Variants in SLCO3A1 observed in about 807,000 individuals in gnomAD.
SLCO3A1 encodes solute carrier organic anion transporter family member 3A1, also known as PGE1 transporter.
Under a neutral mutation model 63.1 loss-of-function variants are expected in SLCO3A1, and 27 were observed. The observed-to-expected ratio is 0.43, with a 90% CI of 0.32 to 0.59. The LOEUF is 0.59. Ranked by LOEUF, SLCO3A1 falls within the 20% of genes least tolerant of loss-of-function variation. The pLI, the probability that SLCO3A1 is intolerant of heterozygous loss-of-function variation, is 0.09. For missense variants in SLCO3A1, 773 were observed against 945.8 expected, an observed-to-expected ratio of 0.82 and a Z score of 2.40; for synonymous variants, 473 against 409.9, an observed-to-expected ratio of 1.15 and a Z score of -1.86.
chr15:91,987,699 G>T (rs2046071005), intron 2 of SLCO3A1, among the ~76,000 whole-genome samples: 2 of 151,254 alleles, frequency 1.3e-5, no homozygotes. Context: ...AGCTGAGATG[G>T]CGCCACTGCA....
chr15:92,056,312 G>A (rs1027360595), intron 2 of SLCO3A1, among the ~76,000 whole-genome samples: 5 of 151,922 alleles, frequency 3.3e-5, no homozygotes, highest in African/African-American at 1.2e-4. Flanking sequence ...TGAACCATCT[G>A]CTCTAAATTG....
chr15:91,948,563 ACT>A lies in SLCO3A1; in HGVS notation c.646+32108_646+32109del, dbSNP rs1168163549. ...CAGGAGAGGGCCGAATGTGCACGAG[ACT>A]CTGCAGGAAGGCTGAAAAACTTTCA... On this transcript the variant is annotated intron_variant, in intron 2 of 9. Coordinates refer to ENST00000318445, the MANE Select transcript of SLCO3A1 (RefSeq NM_013272.4). The surrounding 1 kb of genome is among the most constrained non-coding windows in gnomAD (Gnocchi z 4.8). Among the ~76,000 whole-genome samples the A allele has an allele frequency of 6.6e-6, 1 of 152,128 alleles. No individual in the cohort carries two copies. Among genetic ancestry groups the A allele is most frequent in the Non-Finnish European group, 1.5e-5 (1 of 68,008 alleles).
At chr15:92,054,030 G>A (rs2046992856) in intron 2 of SLCO3A1, among the ~76,000 whole-genome samples, 3 of 152,180 alleles carry the variant, frequency 2.0e-5, no homozygotes, top group Non-Finnish European at 4.4e-5. Flanking sequence ...CTCACCATCC[G>A]TTTATTCAGT....
At chr15:92,046,800 T>G (rs1423201322) in intron 2 of SLCO3A1, among the ~76,000 whole-genome samples, 1 of 150,344 alleles carries the variant, frequency 6.7e-6, no homozygotes, top group Non-Finnish European at 1.5e-5. Context: ...AAAATCTCAA[T>G]TTTTCGTTGT....
rs1457500011 is a variant in SLCO3A1, at chr15:91,856,557, A to G, written c.180+2469A>G. Among the ~76,000 whole-genome samples the G allele has an allele frequency of 6.6e-6, 1 of 152,188 alleles. No homozygotes were observed. Among genetic ancestry groups the G allele is most frequent in the Non-Finnish European group, 1.5e-5 (1 of 68,022 alleles). On this transcript the variant is annotated intron_variant, in intron 1 of 9. Transcript: ENST00000318445. This position sits in a 1 kb window ranked among gnomAD's most constrained non-coding sequence, Gnocchi z 4.9. Reference sequence around the variant, plus strand: ...TTCTCTGTGGATAATTGGAGAATGAAATATTGCAGGCTGTTTGCAGGAAAG... The same window carrying G: ...TTCTCTGTGGATAATTGGAGAATGAGATATTGCAGGCTGTTTGCAGGAAAG...
chr15:91,988,400 C>T (rs758909602), intron 2 of SLCO3A1, among the ~76,000 whole-genome samples: 5 of 151,662 alleles, frequency 3.3e-5, no homozygotes, highest in East Asian at 3.9e-4. Flanking sequence ...AACAAGTGAA[C>T]GTAATAAATT....
At chr15:92,029,862 G>T (rs1466014001) in intron 2 of SLCO3A1, among the ~76,000 whole-genome samples, 2 of 148,730 alleles carry the variant, frequency 1.3e-5, no homozygotes, top group South Asian at 2.1e-4. Flanking sequence ...AGAGATAAAA[G>T]ATCTATGATT....
rs1900701911 is a variant in SLCO3A1 at position 91,967,495 on chromosome 15, A to G, written c.646+51037A>G. Among the ~76,000 whole-genome samples, 1 of 152,198 alleles carries G rather than the reference A, an allele frequency of 6.6e-6. No individual in the cohort carries two copies. Among genetic ancestry groups the G allele is most frequent in the African/African-American group, 2.4e-5 (1 of 41,454 alleles). On this transcript the variant is annotated intron_variant, in intron 2 of 9. Coordinates refer to ENST00000318445, the MANE Select transcript of SLCO3A1 (RefSeq NM_013272.4). This position sits in a 1 kb window ranked among gnomAD's most constrained non-coding sequence, Gnocchi z 4.4. Reference sequence around the variant, plus strand: ...TCATTTGTCTCCCCACCTCTCCTGTAGGACTGAGGTGCCGTTGTGGGGACA... The same window carrying G: ...TCATTTGTCTCCCCACCTCTCCTGTGGGACTGAGGTGCCGTTGTGGGGACA...
At chr15:92,045,761 G>T (rs2387404) in intron 2 of SLCO3A1, among the ~76,000 whole-genome samples, 6,865 of 152,172 alleles carry the variant, frequency 0.045, 482 homozygotes, top group African/African-American at 0.16. Context: ...GAGCTACTGC[G>T]GAGTGCCAGC....
At chr15:92,051,401 C>A (rs1356749379) in intron 2 of SLCO3A1, among the ~76,000 whole-genome samples, 1 of 152,038 alleles carries the variant, frequency 6.6e-6, no homozygotes, top group African/African-American at 2.4e-5. Flanking sequence ...TGGCTGGGGG[C>A]ATTTAGACTT....
chr15:91,855,168 A>G (rs1446517871), intron 1 of SLCO3A1, among the ~76,000 whole-genome samples: 2 of 152,238 alleles, frequency 1.3e-5, no homozygotes, highest in African/African-American at 2.4e-5. Context: ...TTGAATAACC[A>G]CATCCAGAGA....
intron 7 of SLCO3A1, among the ~76,000 whole-genome samples, chr15:92,143,425 T>TA (rs1392705310): frequency 0.1 from 307 of 3,080 alleles, 96 homozygotes; most frequent in African/African-American, 0.46. Context: ...ATATTATATA[T>TA]ATATAATATA....
chr15:92,041,114 G>A (rs2046791558), intron 2 of SLCO3A1, among the ~76,000 whole-genome samples: 4 of 152,108 alleles, frequency 2.6e-5, no homozygotes, highest in Admixed American at 6.5e-5. Context: ...TCTACAGGAA[G>A]CCTCCTGTAG....
chr15:91,871,723 T>A (rs1394865376), intron 1 of SLCO3A1, among the ~76,000 whole-genome samples: 1 of 151,564 alleles, frequency 6.6e-6, no homozygotes, highest in Non-Finnish European at 1.5e-5. Flanking sequence ...AGGCACCTTT[T>A]GACTTTATGA....
At chr15:92,080,096 A>G (rs2047324673) in intron 2 of SLCO3A1, among the ~76,000 whole-genome samples, 1 of 152,244 alleles carries the variant, frequency 6.6e-6, no homozygotes, top group Non-Finnish European at 1.5e-5. Context: ...TCTTTCAGCT[A>G]GGTTGAGAAG....
chr15:92,074,697 TC>T (rs1489727123), intron 2 of SLCO3A1, among the ~76,000 whole-genome samples: 1 of 152,048 alleles, frequency 6.6e-6, no homozygotes, highest in African/African-American at 2.4e-5. Context: ...AGAAAAGCCA[TC>T]TTCCAGGACA....
intron 7 of SLCO3A1, among the ~76,000 whole-genome samples, chr15:92,142,694 T>C (rs141975774): frequency 2.0e-5 from 3 of 152,220 alleles, no homozygotes; most frequent in East Asian, 3.9e-4. Context: ...AACATGAACA[T>C]AGACAAGGAC....
chr15:91,855,282 A>C (rs998074022), intron 1 of SLCO3A1, among the ~76,000 whole-genome samples: 7 of 152,146 alleles, frequency 4.6e-5, no homozygotes, highest in African/African-American at 1.7e-4. Flanking sequence ...TTCATAAACT[A>C]TCTCTTAAGG....
chr15:92,104,407 C>T lies in SLCO3A1; in HGVS notation c.874C>T (p.His292Tyr), dbSNP rs748281634. 82 of 1,614,074 alleles carry T rather than the reference C, an allele frequency of 5.1e-5. No homozygotes were observed. The highest frequency in any genetic ancestry group is 4.2e-6 in the Non-Finnish European group (5 of 1,180,042). Residue 292 changes from histidine to tyrosine, a missense_variant, in exon 4 of 10, where the codon CAC becomes TAC. By Grantham distance (83) the His-to-Tyr change is moderately conservative (BLOSUM62 2). This residue lies in a region of SLCO3A1 where 565 missense variants were observed against 749.8 expected (regional missense o/e 0.75). Transcript: ENST00000318445. ...TGGGTTTCCACAGTCCCTGCCCCCGCACTCAGAGCCCGCCATGGAAAGCGA... is the reference window on the plus strand; with the variant it reads ...TGGGTTTCCACAGTCCCTGCCCCCGTACTCAGAGCCCGCCATGGAAAGCGA... The part of the protein sequence containing the change: ...MFGFPQSLPP[H>Y]SEPAMESEQA...
Sources: allele counts gnomAD v4.1 joint callset (sites outside exome capture counted in the v4.1 genomes callset), GRCh38; gene constraint gnomAD v4.1.1; regional missense constraint gnomAD v4.1.1; non-coding constraint Gnocchi (gnomAD v3.1); transcripts MANE v1.5; gene names NCBI Gene and HGNC (gene_info 2026-07-23, HGNC 2026-07-21).